The following ANKRD17 variants were observed in gnomAD, a reference collection of about 807,000 sequenced individuals.
ANKRD17 encodes ankyrin repeat domain 17.
Under a neutral mutation model 229.7 loss-of-function variants are expected in ANKRD17, and 19 were observed. The observed-to-expected ratio is 0.08, with a 90% CI of 0.06 to 0.12. ANKRD17 has a LOEUF of 0.12. Among genes scored for constraint, ANKRD17 ranks in the 10% least tolerant of loss-of-function variants. The probability of loss-of-function intolerance (pLI) is 1.00; values close to 1 mark genes in which losing one functional copy is unlikely to be tolerated. For missense variants in ANKRD17, 2,176 were observed against 3,176.8 expected, an observed-to-expected ratio of 0.68 and a Z score of 7.57; for synonymous variants, 1,112 against 1,146.1, an observed-to-expected ratio of 0.97 and a Z score of 0.60.
chr4:73,213,139 G>A (rs1740540790), intron 1 of ANKRD17, among the ~76,000 whole-genome samples: 1 of 151,904 alleles, frequency 6.6e-6, no homozygotes. Context: ...TCAAACTTAA[G>A]CATGTCACAC....
chr4:73,170,676 T>C (rs1733871355), intron 2 of ANKRD17, among the ~76,000 whole-genome samples: 1 of 149,248 alleles, frequency 6.7e-6, no homozygotes, highest in Admixed American at 6.6e-5. Flanking sequence ...GCCTGGCAGC[T>C]TTCATCACAA....
At chr4:73,252,715 T>A (rs1745135849) in intron 1 of ANKRD17, among the ~76,000 whole-genome samples, 2 of 152,194 alleles carry the variant, frequency 1.3e-5, no homozygotes, top group African/African-American at 4.8e-5. Context: ...GAGATTACCT[T>A]GAAAAGTAAA....
intron 18 of ANKRD17, among the ~76,000 whole-genome samples, chr4:73,123,568 T>C (rs1240729662): frequency 1.3e-5 from 2 of 152,000 alleles, no homozygotes; most frequent in East Asian, 3.8e-4. Flanking sequence ...ACAAAAATTA[T>C]GGAAAAAAAT....
Position 73,102,636 on chromosome 4 carries a change from A to G in ANKRD17, c.4402-89T>C, listed in dbSNP as rs1724145821. ...ATAATCATTTAATCATAAGGAAACCATGATATCATAAAATTCAAAGTCATC... is the reference window on the plus strand; with the variant it reads ...ATAATCATTTAATCATAAGGAAACCGTGATATCATAAAATTCAAAGTCATC... On this transcript the variant is annotated intron_variant, in intron 24 of 33. Transcript: ENST00000358602. The G allele has an allele frequency of 7.6e-6, 11 of 1,443,262 alleles. No homozygotes were observed. The South Asian group carries it at 1.4e-4, about 18-fold the overall frequency. The allele number at this position is 1,443,262 out of a possible 1,614,324, so 89.4% of individuals were successfully genotyped here.
intron 1 of ANKRD17, among the ~76,000 whole-genome samples, chr4:73,198,098 G>A (rs1157792096): frequency 6.6e-6 from 1 of 151,984 alleles, no homozygotes; most frequent in Non-Finnish European, 1.5e-5. Flanking sequence ...ATTATGCCAG[G>A]AAAATAGGTA....
chr4:73,239,355 G>T (rs981949421), intron 1 of ANKRD17, among the ~76,000 whole-genome samples: 1 of 152,138 alleles, frequency 6.6e-6, no homozygotes, highest in Non-Finnish European at 1.5e-5. Flanking sequence ...GTCCACTTCA[G>T]TATTGTTTGT....
chr4:73,240,374 A>G (rs1743904622), intron 1 of ANKRD17, among the ~76,000 whole-genome samples: 2 of 151,856 alleles, frequency 1.3e-5, no homozygotes, highest in African/African-American at 4.8e-5. Flanking sequence ...CTGGAATACT[A>G]GCACTTTGAG....
chr4:73,149,838 C>T (rs755739640), intron 7 of ANKRD17, among the ~76,000 whole-genome samples: 2 of 152,038 alleles, frequency 1.3e-5, no homozygotes, highest in Non-Finnish European at 2.9e-5. Context: ...GCACTCCAGC[C>T]TGGGAACAGA....
intron 1 of ANKRD17, among the ~76,000 whole-genome samples, chr4:73,224,377 A>C (rs1742238807): frequency 6.6e-6 from 1 of 152,202 alleles, no homozygotes; most frequent in Non-Finnish European, 1.5e-5. Flanking sequence ...TTGGGCCTCA[A>C]TTTATTAATC....
At chr4:73,095,949 C>A (rs958384791) in intron 27 of ANKRD17, among the ~76,000 whole-genome samples, 6 of 152,080 alleles carry the variant, frequency 3.9e-5, no homozygotes, top group African/African-American at 1.4e-4. Context: ...CTTGGCCTCC[C>A]AAAATGCTGG....
chr4:73,079,195 T>G (rs1031254179), intron 30 of ANKRD17, among the ~76,000 whole-genome samples: 1 of 152,128 alleles, frequency 6.6e-6, no homozygotes, highest in African/African-American at 2.4e-5. Flanking sequence ...ACATTTAAAT[T>G]AAAAAACAAA....
intron 1 of ANKRD17, among the ~76,000 whole-genome samples, chr4:73,185,389 C>T (rs1736158445): frequency 6.6e-6 from 1 of 151,740 alleles, no homozygotes; most frequent in Non-Finnish European, 1.5e-5. Flanking sequence ...CAGTAATCTA[C>T]ATTTCAGAAA....
chr4:73,208,754 C>T (rs1238121549), intron 1 of ANKRD17, among the ~76,000 whole-genome samples: 1 of 152,116 alleles, frequency 6.6e-6, no homozygotes, highest in Non-Finnish European at 1.5e-5. Context: ...TTGTAGTATA[C>T]AGCTAATGCA....
chr4:73,139,759 T>C lies in ANKRD17; in HGVS notation c.2857A>G (p.Ile953Val), dbSNP rs746461793. The change falls in exon 15 of 34, where the codon ATC becomes GTC. Residue 953 changes from isoleucine to valine, a missense_variant. Coordinates refer to ENST00000358602, the MANE Select transcript of ANKRD17 (RefSeq NM_032217.5). ...GCTTGAGGCATCGCCAGAGGCTGGA[T>C]TGGCGCAAAACCCATCTGAGCAGCA... ...QTAAQMGFAP[I>V]QPLAMPQALP... is the part of the protein sequence containing the mutation. The C allele has an allele frequency of 3.7e-6, 6 of 1,614,166 alleles. No homozygotes were observed. The highest frequency in any genetic ancestry group is 1.6e-4 in the Middle Eastern group (1 of 6,062).
At chr4:73,154,251 A>G in intron 5 of ANKRD17, 138 bp from the exon 6 acceptor site, 1 of 374,988 alleles carries the variant, frequency 2.7e-6, no homozygotes, top group South Asian at 1.3e-4. Context: ...ATATGTAAAT[A>G]TATATCTATA....
chr4:73,235,726 T>C (rs1743440822), intron 1 of ANKRD17, among the ~76,000 whole-genome samples: 1 of 152,210 alleles, frequency 6.6e-6, no homozygotes, highest in Non-Finnish European at 1.5e-5. Context: ...GTACATCTTA[T>C]CTTTCCACCC....
chr4:73,171,711 A>G (rs958630347), intron 2 of ANKRD17, among the ~76,000 whole-genome samples: 14 of 152,202 alleles, frequency 9.2e-5, no homozygotes, highest in Non-Finnish European at 4.4e-5. Flanking sequence ...AATTTAACGA[A>G]GAGACTGAAA....
intron 1 of ANKRD17, among the ~76,000 whole-genome samples, chr4:73,207,953 C>T (rs1739701569): frequency 6.6e-6 from 1 of 152,052 alleles, no homozygotes; most frequent in Admixed American, 6.5e-5. Context: ...CTTTGGGAGG[C>T]CGAGGCAGGT....
chr4:73,157,392 TGA>T (rs1386188731), intron 3 of ANKRD17, among the ~76,000 whole-genome samples: 4 of 151,860 alleles, frequency 2.6e-5, no homozygotes, highest in South Asian at 4.1e-4. Flanking sequence ...TCAAGCAAAA[TGA>T]GAGTGGAAAA....
Sources: allele counts gnomAD v4.1 joint callset (sites outside exome capture counted in the v4.1 genomes callset), GRCh38; gene constraint gnomAD v4.1.1; transcripts MANE v1.5; gene names NCBI Gene and HGNC (gene_info 2026-07-23, HGNC 2026-07-21).